PPP5C: variants seen among roughly 807,000 people sequenced by gnomAD.
PPP5C encodes protein phosphatase 5 catalytic subunit.
Under a neutral mutation model 66.7 loss-of-function variants are expected in PPP5C, and 21 were observed. The observed-to-expected ratio is 0.31, with a 90% CI of 0.22 to 0.45. The LOEUF is 0.45. Ranked by LOEUF, PPP5C falls within the 20% of genes least tolerant of loss-of-function variation. The pLI, the probability that PPP5C is intolerant of heterozygous loss-of-function variation, is 1.00. For missense variants in PPP5C, 464 were observed against 675.9 expected, an observed-to-expected ratio of 0.69 and a Z score of 3.48; for synonymous variants, 246 against 257.4, an observed-to-expected ratio of 0.96 and a Z score of 0.43.
chr19:46,356,262 A>C (rs80231122), intron 2 of PPP5C, among the ~76,000 whole-genome samples: 3,122 of 151,474 alleles, frequency 0.021, 121 homozygotes, highest in African/African-American at 0.071. Context: ...CCCCCACATG[A>C]ACATGAGGGC....
chr19:46,351,868 G>A (rs757841082), intron 1 of PPP5C, among the ~76,000 whole-genome samples: 5 of 152,340 alleles, frequency 3.3e-5, no homozygotes, highest in South Asian at 2.1e-4. Flanking sequence ...CAGCCCAGTC[G>A]GGGGCCTGAC....
intron 1 of PPP5C, among the ~76,000 whole-genome samples, chr19:46,350,700 A>G (rs1972168763): frequency 6.6e-6 from 1 of 152,142 alleles, no homozygotes; most frequent in African/African-American, 2.4e-5. Context: ...GGGCTGGGAG[A>G]TGGCTAGGAG....
intron 11 of PPP5C, among the ~76,000 whole-genome samples, chr19:46,389,658 G>A (rs868586806): frequency 3.9e-5 from 6 of 151,998 alleles, no homozygotes; most frequent in Middle Eastern, 3.4e-3. Flanking sequence ...CCTGCTGTAC[G>A]AGTCACCTGT....
In PPP5C at chr19:46,388,174, G is replaced by A. The variant is rs964889341; in HGVS notation, c.1136-234G>A. The A allele has an allele frequency of 2.7e-5, 14 of 509,316 alleles. No homozygotes were observed. The highest frequency in any genetic ancestry group is 1.5e-4 in the African/African-American group (8 of 52,788). The allele number at this position is 509,316 out of a possible 1,614,324, so 31.5% of individuals were successfully genotyped here. A position where few individuals can be genotyped will look rare whatever the true frequency, so the allele number is the denominator to read the frequency against. On this transcript the variant is annotated intron_variant, in intron 9 of 12. Coordinates refer to ENST00000012443, the MANE Select transcript of PPP5C (RefSeq NM_006247.4). This position sits in a 1 kb window ranked among gnomAD's most constrained non-coding sequence, Gnocchi z 4.9. ...GACATTGAAAGCTCTATCTGGCTTC[G>A]GGGCCACAGGGGATTGAATGGGGTC... is the stretch of plus-strand genomic sequence containing the variant.
At chr19:46,374,700 A>G (rs1972660961) in intron 2 of PPP5C, among the ~76,000 whole-genome samples, 1 of 152,078 alleles carries the variant, frequency 6.6e-6, no homozygotes, top group South Asian at 2.1e-4. Context: ...CAGAAGGGGG[A>G]CCGTGAAGAG....
At chr19:46,378,436 C>T (rs1972733566) in intron 4 of PPP5C, among the ~76,000 whole-genome samples, 1 of 152,126 alleles carries the variant, frequency 6.6e-6, no homozygotes, top group Non-Finnish European at 1.5e-5. Flanking sequence ...ATTTTGCAGT[C>T]GTTAGTCATA....
Position 46,388,121 on chromosome 19 carries a change from A to T in PPP5C, c.1136-287A>T. 4.9e-6 allele frequency: 2 copies of T among 409,022 alleles called. No individual in the cohort carries two copies. Among genetic ancestry groups the T allele is most frequent in the East Asian group, 7.5e-5 (2 of 26,586 alleles). 25.3% of individuals were successfully genotyped at this position (409,022 alleles called of 1,614,324 possible). On this transcript the variant is annotated intron_variant, in intron 9 of 12. Coordinates refer to ENST00000012443, the MANE Select transcript of PPP5C (RefSeq NM_006247.4). The surrounding 1 kb of genome is among the most constrained non-coding windows in gnomAD (Gnocchi z 4.9). Reference sequence around the variant, plus strand: ...CAGTGCGGAGCCACCAAAGGCTTTGAGTGGGAGAGGGGCCTGATCTGAATA... The same window carrying T: ...CAGTGCGGAGCCACCAAAGGCTTTGTGTGGGAGAGGGGCCTGATCTGAATA...
intron 4 of PPP5C, among the ~76,000 whole-genome samples, chr19:46,377,327 G>A (rs1267121415): frequency 6.6e-6 from 1 of 152,138 alleles, no homozygotes; most frequent in African/African-American, 2.4e-5. Context: ...TTCCTCCTCT[G>A]TGCAGTGGAG....
In PPP5C at chr19:46,383,704, C is replaced by G; in HGVS notation, c.700-76C>G. The G allele has an allele frequency of 8.0e-7, 1 of 1,255,518 alleles. No individual in the cohort carries two copies. The highest frequency in any genetic ancestry group is 1.8e-5 in the Admixed American group (1 of 56,928). 77.8% of individuals were successfully genotyped at this position (1,255,518 alleles called of 1,614,324 possible). On this transcript the variant is annotated intron_variant, in intron 5 of 12. Transcript: ENST00000012443. The surrounding 1 kb of genome is among the most constrained non-coding windows in gnomAD (Gnocchi z 5.0). ...CTTCTTGGTCTACTGTGAACTCTTA[C>G]CCTTCCCCTCACCTCTGCCCCCTCC...
At chr19:46,367,565 C>G (rs1373185039) in intron 2 of PPP5C, among the ~76,000 whole-genome samples, 1 of 152,142 alleles carries the variant, frequency 6.6e-6, no homozygotes, top group Non-Finnish European at 1.5e-5. Context: ...ACTTAAAACC[C>G]ACTCACCCAC....
chr19:46,360,230 C>T (rs945367641), intron 2 of PPP5C, among the ~76,000 whole-genome samples: 1 of 152,108 alleles, frequency 6.6e-6, no homozygotes, highest in African/African-American at 2.4e-5. Context: ...TAATTAATAA[C>T]TGATAACATA....
At chr19:46,353,403 T>G (rs1009649675) in intron 1 of PPP5C, among the ~76,000 whole-genome samples, 2 of 152,024 alleles carry the variant, frequency 1.3e-5, no homozygotes, top group African/African-American at 4.8e-5. Flanking sequence ...CCCAGCTGCC[T>G]CAGCTCTCAC....
chr19:46,367,986 C>T (rs1023862776), intron 2 of PPP5C, among the ~76,000 whole-genome samples: 1 of 152,160 alleles, frequency 6.6e-6, no homozygotes, highest in Non-Finnish European at 1.5e-5. Flanking sequence ...ATGTACTCAG[C>T]AGCTGGCGGA....
chr19:46,350,687 C>T lies in PPP5C; in HGVS notation c.122-3061C>T, dbSNP rs534699356. Among the ~76,000 whole-genome samples, 8 of 152,254 alleles carry T rather than the reference C, an allele frequency of 5.3e-5. No individual in the cohort carries two copies. In the East Asian group the frequency reaches 1.4e-3, roughly 26 times the overall value. ...GTACGCTGTGGGGTTTAATCCTCCC[C>T]GGGGGCTGGGAGATGGCTAGGAGTG... On this transcript the variant is annotated intron_variant, in intron 1 of 12. Coordinates refer to ENST00000012443, the MANE Select transcript of PPP5C (RefSeq NM_006247.4).
chr19:46,348,902 C>T (rs927074692), intron 1 of PPP5C, among the ~76,000 whole-genome samples: 4 of 152,154 alleles, frequency 2.6e-5, no homozygotes, highest in African/African-American at 9.7e-5. Context: ...TTGGCTTTGG[C>T]TCCATGGATG....
In PPP5C at chr19:46,367,826, T is replaced by G. The variant is rs1459788811; in HGVS notation, c.364-7778T>G. ...AGAAGCAAATCCACAATTAGAATAA[T>G]CTGACTGTTGCGCCCCAGTCAGAAT... On this transcript the variant is annotated intron_variant, in intron 2 of 12. Transcript: ENST00000012443. Among the ~76,000 whole-genome samples the G allele has an allele frequency of 2.0e-5, 3 of 152,254 alleles. No individual in the cohort carries two copies. In the East Asian group the frequency reaches 5.8e-4, roughly 29 times the overall value.
intron 4 of PPP5C, among the ~76,000 whole-genome samples, chr19:46,377,522 T>C (rs1374908347): frequency 1.3e-5 from 2 of 152,214 alleles, no homozygotes; most frequent in African/African-American, 2.4e-5. Context: ...GAAGTATAAT[T>C]AATGCACAAT....
intron 11 of PPP5C, among the ~76,000 whole-genome samples, chr19:46,389,389 AC>A: frequency 1.2e-4 from 1 of 8,428 alleles, no homozygotes; most frequent in Non-Finnish European, 3.9e-4. Flanking sequence ...ACACACACAC[AC>A]ACACACACAC....
Position 46,376,693 on chromosome 19 carries a change from C to T in PPP5C, c.633+119C>T. The T allele has an allele frequency of 7.2e-7, 1 of 1,394,564 alleles. No individual in the cohort carries two copies. Among genetic ancestry groups the T allele is most frequent in the African/African-American group, 1.4e-5 (1 of 69,736 alleles). 86.4% of individuals were successfully genotyped at this position (1,394,564 alleles called of 1,614,324 possible). A position where few individuals can be genotyped will look rare whatever the true frequency, so the allele number is the denominator to read the frequency against. ...GGCGGCCATGACAGCCAACACCAAA[C>T]AGGAGTCGTGTGCCGGACACTGTGC... On this transcript the variant is annotated intron_variant, in intron 4 of 12. Coordinates refer to ENST00000012443, the MANE Select transcript of PPP5C (RefSeq NM_006247.4). The surrounding 1 kb of genome is among the most constrained non-coding windows in gnomAD (Gnocchi z 5.1).
Sources: gnomAD v4.1 joint callset for allele counts (sites outside exome capture counted in the v4.1 genomes callset) on GRCh38, gnomAD v4.1.1 for gene constraint, Gnocchi (gnomAD v3.1) non-coding constraint, MANE v1.5 for transcripts, NCBI Gene and HGNC (gene_info 2026-07-23, HGNC 2026-07-21) for gene names.